Variants in ROBO1 observed in about 807,000 individuals in gnomAD.
ROBO1 encodes the protein roundabout homolog 1.
ROBO1 carries 149 observed loss-of-function variants against 195.9 expected under a neutral mutation model. The ratio of observed to expected loss-of-function variants is 0.76; its 90% CI spans 0.67 to 0.87. The LOEUF is 0.87. Ranked by LOEUF, ROBO1 falls within the 40% of genes least tolerant of loss-of-function variation. The pLI is 0.00. For synonymous variants in ROBO1, 816 were observed against 733.2 expected (o/e 1.11, Z -1.82); for missense variants, 1,933 against 2,068.3 (o/e 0.93, Z 1.27).
At chr3:79,334,320 A>G (rs1018124561) in intron 2 of ROBO1, among the ~76,000 whole-genome samples, 2 of 145,232 alleles carry the variant, frequency 1.4e-5, no homozygotes, top group African/African-American at 5.0e-5. Context: ...AAATATATAT[A>G]TATATATATA....
In ROBO1 at chr3:78,607,056, T is replaced by C; in HGVS notation, c.4436-15A>G. 6.3e-7 allele frequency: 1 copy of C among 1,599,022 alleles called. No individual in the cohort carries two copies. The highest frequency in any genetic ancestry group is 1.3e-5 in the African/African-American group (1 of 74,426). On this transcript the variant is annotated splice_polypyrimidine_tract_variant and intron_variant, in intron 28 of 30. Coordinates refer to ENST00000464233, the MANE Select transcript of ROBO1 (RefSeq NM_002941.4). ...TGGTGGAAGATCTAAAAAGAAACAT[T>C]AAAAATACTACTGTAAAAGTCTGCT... is the stretch of plus-strand genomic sequence containing the variant.
chr3:79,686,173 G>C (rs9831981), intron 1 of ROBO1, among the ~76,000 whole-genome samples: 1,955 of 151,980 alleles, frequency 0.013, 22 homozygotes, highest in Non-Finnish European at 0.02. Flanking sequence ...TTCAACAACC[G>C]TTCATGCTAA....
intron 2 of ROBO1, among the ~76,000 whole-genome samples, chr3:79,424,686 C>CT (rs941075596): frequency 5.3e-5 from 8 of 152,118 alleles, no homozygotes; most frequent in South Asian, 2.1e-4. Flanking sequence ...ACCATAGCCC[C>CT]TGAAAAAGGA....
chr3:79,254,437 A>G (rs2082789934), intron 2 of ROBO1, among the ~76,000 whole-genome samples: 2 of 151,806 alleles, frequency 1.3e-5, no homozygotes, highest in Admixed American at 1.3e-4. Flanking sequence ...CTTTTCCGCT[A>G]GAGAAAGGAA....
At chr3:79,362,626 G>T (rs1184261726) in intron 2 of ROBO1, among the ~76,000 whole-genome samples, 1 of 152,078 alleles carries the variant, frequency 6.6e-6, no homozygotes, top group African/African-American at 2.4e-5. Context: ...AGCCAAGTAT[G>T]CTCCCTCAGA....
chr3:79,242,470 C>G (rs2082537703), intron 2 of ROBO1, among the ~76,000 whole-genome samples: 2 of 152,012 alleles, frequency 1.3e-5, no homozygotes, highest in South Asian at 4.1e-4. Context: ...AGCATATGTT[C>G]TTTGCTCAGA....
chr3:79,551,839 G>A (rs1942523679), intron 2 of ROBO1, among the ~76,000 whole-genome samples: 1 of 151,790 alleles, frequency 6.6e-6, no homozygotes, highest in Non-Finnish European at 1.5e-5. Context: ...GGCACATAAG[G>A]TAGAATCACC....
intron 2 of ROBO1, among the ~76,000 whole-genome samples, chr3:79,373,659 A>G (rs2036282149): frequency 6.6e-6 from 1 of 152,238 alleles, no homozygotes; most frequent in South Asian, 2.1e-4. Context: ...TTGTAATAGG[A>G]TAGCCTTCAG....
intron 1 of ROBO1, among the ~76,000 whole-genome samples, chr3:79,592,003 G>T (rs1036350303): frequency 1.3e-5 from 2 of 151,772 alleles, no homozygotes; most frequent in African/African-American, 4.8e-5. Context: ...AAACATGTAT[G>T]AATCTCAAGG....
At chr3:79,618,810 T>G (rs1944906394) in intron 1 of ROBO1, among the ~76,000 whole-genome samples, 1 of 152,118 alleles carries the variant, frequency 6.6e-6, no homozygotes. Context: ...AATTTCAAAT[T>G]GGGTAAGTGG....
At chr3:78,722,858 A>G (rs1486401994) in intron 5 of ROBO1, among the ~76,000 whole-genome samples, 1 of 152,136 alleles carries the variant, frequency 6.6e-6, no homozygotes, top group Non-Finnish European at 1.5e-5. Flanking sequence ...TGGGAATCCT[A>G]TTAATATATA....
intron 1 of ROBO1, among the ~76,000 whole-genome samples, chr3:79,675,215 A>C (rs887786434): frequency 6.8e-6 from 1 of 146,364 alleles, no homozygotes; most frequent in Non-Finnish European, 1.5e-5. Flanking sequence ...ATTGGGATGA[A>C]ACAAGAGAAA....
chr3:79,458,303 A>G (rs1052604572), intron 2 of ROBO1, among the ~76,000 whole-genome samples: 16 of 152,152 alleles, frequency 1.1e-4, no homozygotes, highest in African/African-American at 3.9e-4. Context: ...TGGGTGTGGC[A>G]GTAAGGCAGG....
intron 4 of ROBO1, among the ~76,000 whole-genome samples, chr3:78,825,327 A>G (rs1399091444): frequency 6.6e-6 from 1 of 152,132 alleles, no homozygotes; most frequent in African/African-American, 2.4e-5. Flanking sequence ...TTACTCACCA[A>G]ATGAGCCTGG....
At chr3:79,577,064 GT>G (rs1943509961) in intron 2 of ROBO1, among the ~76,000 whole-genome samples, 1 of 151,928 alleles carries the variant, frequency 6.6e-6, no homozygotes, top group African/African-American at 2.4e-5. Context: ...TGTTTGTCCT[GT>G]TTTAACTATA....
intron 4 of ROBO1, among the ~76,000 whole-genome samples, chr3:78,749,343 A>G (rs766957062): frequency 1.2e-4 from 18 of 152,168 alleles, no homozygotes; most frequent in Non-Finnish European, 2.4e-4. Context: ...GAAATATCAA[A>G]GGTCTAAGTC....
At chr3:78,859,210 C>G (rs777318160) in intron 4 of ROBO1, among the ~76,000 whole-genome samples, 9 of 151,950 alleles carry the variant, frequency 5.9e-5, no homozygotes, top group Non-Finnish European at 1.2e-4. Flanking sequence ...TAAAGTTCTG[C>G]CAATAGAATA....
At chr3:79,702,933 G>A (rs1422569611) in intron 1 of ROBO1, among the ~76,000 whole-genome samples, 1 of 151,864 alleles carries the variant, frequency 6.6e-6, no homozygotes, top group African/African-American at 2.4e-5. Flanking sequence ...TAGTGGCCAC[G>A]TGGCCTAAAG....
intron 3 of ROBO1, among the ~76,000 whole-genome samples, chr3:78,948,632 C>T (rs1014515367): frequency 2.0e-5 from 3 of 152,246 alleles, no homozygotes. Flanking sequence ...TCTCACTACT[C>T]CTATTCAACA....
Sources: gnomAD v4.1 joint callset for allele counts (sites outside exome capture counted in the v4.1 genomes callset) on GRCh38, gnomAD v4.1.1 for gene constraint, MANE v1.5 for transcripts, NCBI Gene and HGNC (gene_info 2026-07-23, HGNC 2026-07-21) for gene names.